The following GSTM5 variants were observed in gnomAD, a reference collection of about 807,000 sequenced individuals.
The protein encoded by GSTM5 is glutathione S-transferase mu 5, also known as GST class-mu 5.
A neutral mutation model predicts 29.0 loss-of-function variants in GSTM5; 24 were observed. That is an observed-to-expected ratio of 0.83 (90% confidence interval 0.60 to 1.16). The LOEUF (loss-of-function observed/expected upper bound fraction) is 1.16. GSTM5 is among the 50% of genes most tolerant of loss of function. The pLI is 0.00. For synonymous variants in GSTM5, 91 were observed against 93.6 expected, an observed-to-expected ratio of 0.97 and a Z score of 0.16; for missense variants, 290 against 263.0, an observed-to-expected ratio of 1.10 and a Z score of -0.71.
At chr1:109,717,187 C>T (rs1648776929) in intron 7 of GSTM5, 150 bp from the exon 8 acceptor site, 2 of 614,086 alleles carry the variant, frequency 3.3e-6, no homozygotes, top group South Asian at 3.9e-5. Context: ...CTTAGAAGAG[C>T]TGGGGACCTA....
chr1:109,713,760 T>A lies in GSTM5; in HGVS notation c.359T>A (p.Phe120Tyr). The A allele has an allele frequency of 2.5e-6, 4 of 1,611,804 alleles. No individual in the cohort carries two copies. The highest frequency in any genetic ancestry group is 3.4e-6 in the Non-Finnish European group (4 of 1,178,694). ...GTCAGACTGTGCTATGACCCAGATT[T>A]TGTGAGTCCCACACCCCACTCCCAG... Reference protein sequence around the residue: ...ELVRLCYDPDFEKLKPKYLEE... With the variant: ...ELVRLCYDPDYEKLKPKYLEE... Residue 120 changes from phenylalanine to tyrosine, a missense_variant and splice_region_variant, in exon 5 of 8, where the codon TTT (phenylalanine) becomes TAT (tyrosine). Physicochemically the swap from Phe to Tyr is conservative, Grantham distance 22. Transcript: ENST00000256593.
intron 5 of GSTM5, 74 bp downstream of exon 5, chr1:109,713,835 T>G (rs1194940055): frequency 7.6e-7 from 1 of 1,307,314 alleles, no homozygotes; most frequent in Non-Finnish European, 1.1e-6. Context: ...ACTTCCAAAG[T>G]CAGGTCTGTA....
chr1:109,715,125 T>C lies in GSTM5; in HGVS notation c.457-5T>C. ...TTCAGCCCACACATTCTTGGCCTTC[T>C]TCAGATCACCTTTGTGGATTTCCTT... On this transcript the variant is annotated splice_polypyrimidine_tract_variant and splice_region_variant and intron_variant, in intron 6 of 7. Coordinates refer to ENST00000256593, the MANE Select transcript of GSTM5 (RefSeq NM_000851.4). 1.9e-6 allele frequency: 3 copies of C among 1,614,264 alleles called. No individual in the cohort carries two copies. The highest frequency in any genetic ancestry group is 2.5e-6 in the Non-Finnish European group (3 of 1,180,040).
chr1:109,712,538 A>G, intron 1 of GSTM5, 80 bp from the exon 2 acceptor site: 1 of 1,521,228 alleles, frequency 6.6e-7, no homozygotes, highest in Non-Finnish European at 9.1e-7. Flanking sequence ...AGTATAGACT[A>G]GGGGCTGGCC....
In GSTM5 at chr1:109,715,174, G is replaced by A. The variant is rs769236234; in HGVS notation, c.501G>A (p.Lys167=). Residue 167 remains lysine (K), a synonymous_variant, in exon 7 of 8, where the codon AAG becomes AAA. Transcript: ENST00000256593. ...DFLAYDVLDM[K]RIFEPKCLDA... is the part of the protein sequence containing the mutation. ...TTGCCTATGATGTCCTTGACATGAA[G>A]CGTATATTTGAGCCCAAGTGCTTGG... is the stretch of plus-strand genomic sequence containing the variant. The A allele has an allele frequency of 6.2e-7, 1 of 1,614,088 alleles. No individual in the cohort carries two copies. The highest frequency in any genetic ancestry group is 2.2e-5 in the East Asian group (1 of 44,900).
chr1:109,714,976 A>G lies in GSTM5; in HGVS notation c.390A>G (p.Glu130=). Residue 130 remains glutamate (E), a synonymous_variant, in exon 6 of 8, where the codon GAA becomes GAG. Coordinates refer to ENST00000256593, the MANE Select transcript of GSTM5 (RefSeq NM_000851.4). The part of the protein sequence containing the change: ...FEKLKPKYLE[E]LPEKLKLYSE... The stretch of plus-strand genomic sequence containing the variant: ...AACTGAAGCCAAAATACTTGGAGGA[A>G]CTCCCTGAAAAGCTAAAGCTCTACT... 3.1e-6 allele frequency: 5 copies of G among 1,614,092 alleles called. No homozygotes were observed. Among genetic ancestry groups the G allele is most frequent in the Non-Finnish European group, 4.2e-6 (5 of 1,180,018 alleles).
chr1:109,712,429 CCG>C, intron 1 of GSTM5, 81 bp downstream of exon 1: 1 of 1,521,186 alleles, frequency 6.6e-7, no homozygotes, highest in Non-Finnish European at 9.1e-7. Flanking sequence ...GCTCTAGGGA[CCG>C]TTCCTCTTCA....
At chr1:109,714,756 GGGTCTGGC>G in intron 5 of GSTM5, 183 bp from the exon 6 acceptor site, 2 of 633,144 alleles carry the variant, frequency 3.2e-6, no homozygotes, top group South Asian at 3.8e-5. Context: ...ACTTCAGATA[GGGTCTGGC>G]ACCCAGTCAG....
intron 7 of GSTM5, chr1:109,715,928 C>T (rs531054724): frequency 6.6e-5 from 53 of 804,036 alleles, no homozygotes; most frequent in Middle Eastern, 2.6e-4. Context: ...CAATGTTCCA[C>T]GTCTTCCCCC....
Position 109,712,584 on chromosome 1 carries a change from A to G in GSTM5, c.37-34A>G, listed in dbSNP as rs188013476. 5.1e-4 allele frequency: 829 copies of G among 1,610,404 alleles called. 2 individuals carry two copies. In the African/African-American group the frequency reaches 0.01, roughly 20 times the overall value. ...AAAGTCACCAAGTCAGGGACCCTCC[A>G]TCTCTGACCCGAGCCGCGGGCCATC... On this transcript the variant is annotated intron_variant, in intron 1 of 7. Transcript: ENST00000256593.
In GSTM5 at chr1:109,714,966, A is replaced by T. The variant is rs762933821; in HGVS notation, c.380A>T (p.Tyr127Phe). The T allele has an allele frequency of 1.2e-6, 2 of 1,614,234 alleles. No individual in the cohort carries two copies. The highest frequency in any genetic ancestry group is 2.2e-5 in the South Asian group (2 of 91,088). The change falls in exon 6 of 8, where the codon TAC becomes TTC. Residue 127 changes from tyrosine to phenylalanine, a missense_variant. Coordinates refer to ENST00000256593, the MANE Select transcript of GSTM5 (RefSeq NM_000851.4). ...DPDFEKLKPK[Y>F]LEELPEKLKL... is the part of the protein sequence containing the mutation. ...CCTCAGGAGAAACTGAAGCCAAAATACTTGGAGGAACTCCCTGAAAAGCTA... is the reference window on the plus strand; with the variant it reads ...CCTCAGGAGAAACTGAAGCCAAAATTCTTGGAGGAACTCCCTGAAAAGCTA...
upstream of GSTM5, chr1:109,712,180 T>G (rs561342151): frequency 1.2e-4 from 113 of 961,778 alleles, 2 homozygotes; most frequent in East Asian, 2.7e-3. Context: ...GCCTACAGAA[T>G]GGCGTGTTTC....
chr1:109,715,745 C>A, intron 7 of GSTM5: 1 of 415,376 alleles, frequency 2.4e-6, no homozygotes, highest in Non-Finnish European at 4.4e-6. Flanking sequence ...CATAGCCACC[C>A]CCAGAAGCTT....
At chr1:109,714,729 A>C (rs1359499780) in intron 5 of GSTM5, 14 of 600,596 alleles carry the variant, frequency 2.3e-5, no homozygotes, top group Non-Finnish European at 4.2e-5. Context: ...ATTCAGGAAG[A>C]GCATCTCATT....
rs1444032405 is a variant in GSTM5 at position 109,715,016 on chromosome 1, A to C, written c.430A>C (p.Lys144Gln). 29 of 1,614,128 alleles carry C rather than the reference A, an allele frequency of 1.8e-5. No individual in the cohort carries two copies. The highest frequency in any genetic ancestry group is 2.5e-5 in the Non-Finnish European group (29 of 1,180,056). Reference sequence around the variant, plus strand: ...AAAGCTCTACTCAGAGTTTCTGGGGAAGCGGCCATGGTTTGCAGGAGACAA... The same window carrying C: ...AAAGCTCTACTCAGAGTTTCTGGGGCAGCGGCCATGGTTTGCAGGAGACAA... ...KLKLYSEFLG[K>Q]RPWFAGDKIT... The change falls in exon 6 of 8, where the codon AAG becomes CAG. Residue 144 changes from lysine to glutamine, a missense_variant. Transcript: ENST00000256593.
At position 109,715,006 on chromosome 1, in the gene GSTM5, G is replaced by T; in HGVS notation, c.420G>T (p.Glu140Asp). 1 of 1,614,280 alleles carries T rather than the reference G, an allele frequency of 6.2e-7. No individual in the cohort carries two copies. The stretch of plus-strand genomic sequence containing the variant: ...CTGAAAAGCTAAAGCTCTACTCAGA[G>T]TTTCTGGGGAAGCGGCCATGGTTTG... ...ELPEKLKLYS[E>D]FLGKRPWFAG... The change falls in exon 6 of 8, where the codon GAG (glutamate) becomes GAT (aspartate). Residue 140 changes from glutamate (E) to aspartate (D), a missense_variant. By Grantham distance (45) the Glu-to-Asp change is conservative. Transcript: ENST00000256593.
Position 109,713,930 on chromosome 1 carries a change from T to G in GSTM5, c.360+169T>G, listed in dbSNP as rs568715964. 231 of 476,170 alleles carry G rather than the reference T, an allele frequency of 4.9e-4. 2 individuals carry two copies. Among genetic ancestry groups the G allele is most frequent in the East Asian group, 4.2e-4 (9 of 21,398 alleles). The allele number at this position is 476,170 out of a possible 1,614,324, so 29.5% of individuals were successfully genotyped here. On this transcript the variant is annotated intron_variant, in intron 5 of 7. Coordinates refer to ENST00000256593, the MANE Select transcript of GSTM5 (RefSeq NM_000851.4). ...GAATCTTCTCCTCTTCTGAAGATTC[T>G]TGTGGACATTTTGGAGAACCAGACC...
chr1:109,712,212 G>A (rs1234302459), upstream of GSTM5: 52 of 1,293,464 alleles, frequency 4.0e-5, no homozygotes, highest in Non-Finnish European at 4.8e-5. Context: ...GGGCCGAGGG[G>A]CGGGGTCGCA....
intron 7 of GSTM5, 118 bp from the exon 8 acceptor site, chr1:109,717,219 C>A (rs1401350958): frequency 2.8e-6 from 2 of 715,544 alleles, no homozygotes; most frequent in Non-Finnish European, 5.0e-6. Context: ...GATGCTCCAG[C>A]ACTTGAGCCC....
Sources: allele counts gnomAD v4.1 joint callset, GRCh38; gene constraint gnomAD v4.1.1; transcripts MANE v1.5; gene names NCBI Gene and HGNC (gene_info 2026-07-23, HGNC 2026-07-21).